BMP2K: variants seen among roughly 807,000 people sequenced by gnomAD.
BMP2K encodes the protein BMP2 inducible kinase, also known as BMP-2-inducible protein kinase.
BMP2K carries 74 observed loss-of-function variants against 116.0 expected under a neutral mutation model. The ratio of observed to expected loss-of-function variants is 0.64; its 90% CI spans 0.53 to 0.77. BMP2K has a LOEUF of 0.77. Among genes scored for constraint, BMP2K ranks in the 30% least tolerant of loss-of-function variants. BMP2K has a pLI of 0.00. For missense variants in BMP2K, 1,365 were observed against 1,403.6 expected (o/e 0.97, Z 0.44); for synonymous variants, 486 against 502.5 (o/e 0.97, Z 0.44).
intron 7 of BMP2K, among the ~76,000 whole-genome samples, chr4:78,851,274 A>C (rs1403865333): frequency 2.6e-5 from 4 of 152,054 alleles, no homozygotes; most frequent in African/African-American, 9.6e-5. Flanking sequence ...CCCCTGGGTA[A>C]GATTTAGTAG....
At chr4:78,808,313 T>C (rs1202982767) in intron 1 of BMP2K, among the ~76,000 whole-genome samples, 3 of 150,570 alleles carry the variant, frequency 2.0e-5, no homozygotes, top group Admixed American at 1.3e-4. Context: ...TTGCCTAGAC[T>C]GGAGTGCAGT....
At chr4:78,819,951 A>G (rs896725501) in intron 1 of BMP2K, among the ~76,000 whole-genome samples, 1 of 152,172 alleles carries the variant, frequency 6.6e-6, no homozygotes, top group Non-Finnish European at 1.5e-5. Context: ...TCAGTATATA[A>G]TATCTAGGTC....
intron 15 of BMP2K, among the ~76,000 whole-genome samples, chr4:78,888,644 T>C (rs1445947929): frequency 6.6e-6 from 1 of 152,230 alleles, no homozygotes; most frequent in Admixed American, 6.5e-5. Context: ...TGGTCTTTTC[T>C]CTGGACACCC....
chr4:78,890,176 A>G (rs1733354613), intron 15 of BMP2K, among the ~76,000 whole-genome samples: 1 of 152,102 alleles, frequency 6.6e-6, no homozygotes, highest in South Asian at 2.1e-4. Flanking sequence ...TGAAATGGAA[A>G]AAAAAAAATC....
intron 10 of BMP2K, 78 bp downstream of exon 10, chr4:78,865,798 G>T (rs1288259869): frequency 1.5e-5 from 22 of 1,429,896 alleles, no homozygotes; most frequent in Non-Finnish European, 4.8e-6. Context: ...CCTGACCTCA[G>T]GTGATCCTTA....
Position 78,910,902 on chromosome 4 carries a change from G to C in BMP2K, c.2355G>C (p.Arg785Ser). The change falls in exon 16 of 16, where the codon AGG (arginine) becomes AGC (serine). Residue 785 changes from arginine (R) to serine (S), a missense_variant. Arg to Ser is a moderately radical substitution (Grantham distance 110). Transcript: ENST00000502613. ...DDTEPENLGHRPLLMDSEDEE... is the reference protein window; with the variant it reads ...DDTEPENLGHSPLLMDSEDEE... ...CTGAACCAGAAAATCTGGGTCATAGGCCTCTCCTCATGGATTCTGAAGATG... is the reference window on the plus strand; with the variant it reads ...CTGAACCAGAAAATCTGGGTCATAGCCCTCTCCTCATGGATTCTGAAGATG... 6.2e-7 allele frequency: 1 copy of C among 1,613,950 alleles called. No individual in the cohort carries two copies. Among genetic ancestry groups the C allele is most frequent in the Non-Finnish European group, 8.5e-7 (1 of 1,179,874 alleles).
chr4:78,897,303 A>G (rs1309267938), intron 15 of BMP2K, among the ~76,000 whole-genome samples: 1 of 152,132 alleles, frequency 6.6e-6, no homozygotes, highest in Non-Finnish European at 1.5e-5. Context: ...TGTAGAAACA[A>G]AATTTAAAGT....
chr4:78,867,164 T>C lies in BMP2K; in HGVS notation c.1231+1444T>C, dbSNP rs183202971. Reference sequence around the variant, plus strand: ...ACCAGCCTGGGTGACAGAATGAGACTCTGTCTCAAAAAAAAAAAAGAAAAA... The same window carrying C: ...ACCAGCCTGGGTGACAGAATGAGACCCTGTCTCAAAAAAAAAAAAGAAAAA... On this transcript the variant is annotated intron_variant, in intron 10 of 15. Coordinates refer to ENST00000502613, the MANE Select transcript of BMP2K (RefSeq NM_198892.2). Among the ~76,000 whole-genome samples, 571 of 149,972 alleles carry C rather than the reference T, an allele frequency of 3.8e-3. 3 individuals carry two copies. The highest frequency in any genetic ancestry group is 5.4e-3 in the Non-Finnish European group (364 of 67,608).
chr4:78,907,778 G>A (rs905293367), intron 15 of BMP2K, among the ~76,000 whole-genome samples: 5 of 152,150 alleles, frequency 3.3e-5, no homozygotes, highest in Admixed American at 3.3e-4. Context: ...CTTGGTTCTT[G>A]TTAGGGAAAT....
At chr4:78,856,518 T>C (rs904066370) in intron 7 of BMP2K, among the ~76,000 whole-genome samples, 5 of 152,160 alleles carry the variant, frequency 3.3e-5, no homozygotes, top group Admixed American at 6.6e-5. Flanking sequence ...TGATTTTTTT[T>C]CCTTTTTTTT....
rs1216308748 is a variant in BMP2K, at chr4:78,914,171, G to A, written c.*2138G>A. On this transcript the variant is annotated 3_prime_UTR_variant, in exon 16 of 16. Coordinates refer to ENST00000502613, the MANE Select transcript of BMP2K (RefSeq NM_198892.2). ...TCATGAGTTTCATCATTTAGAAAAG[G>A]GGTAGAGGATGAACTAATGTCTCCT... The A allele has an allele frequency of 6.6e-6, 1 of 151,896 alleles. No homozygotes were observed. The highest frequency in any genetic ancestry group is 1.5e-5 in the Non-Finnish European group (1 of 67,908). The allele number at this position is 151,896 out of a possible 1,614,324, so 9.4% of individuals were successfully genotyped here. A position where few individuals can be genotyped will look rare whatever the true frequency, so the allele number is the denominator to read the frequency against.
At chr4:78,894,112 T>G (rs1039813456) in intron 15 of BMP2K, among the ~76,000 whole-genome samples, 3 of 152,248 alleles carry the variant, frequency 2.0e-5, no homozygotes, top group African/African-American at 7.2e-5. Flanking sequence ...CAGGCTTTGT[T>G]ATTTCATTTA....
chr4:78,827,330 C>A (rs1729923218), intron 2 of BMP2K, among the ~76,000 whole-genome samples: 2 of 152,028 alleles, frequency 1.3e-5, no homozygotes, highest in South Asian at 4.1e-4. Flanking sequence ...CCTCTCAAGA[C>A]CTATTCGTAG....
At chr4:78,782,939 C>T (rs1192705147) in intron 1 of BMP2K, among the ~76,000 whole-genome samples, 5 of 152,036 alleles carry the variant, frequency 3.3e-5, no homozygotes, top group African/African-American at 1.2e-4. Flanking sequence ...TCTTCTGAAA[C>T]AAGGAGTTAA....
At chr4:78,845,736 A>G (rs1161149543) in intron 5 of BMP2K, among the ~76,000 whole-genome samples, 1 of 151,678 alleles carries the variant, frequency 6.6e-6, no homozygotes, top group East Asian at 1.9e-4. Flanking sequence ...CTTTCTAAAT[A>G]GTTAACCTTT....
intron 14 of BMP2K, among the ~76,000 whole-genome samples, chr4:78,883,189 C>A (rs913176410): frequency 1.3e-5 from 2 of 152,036 alleles, no homozygotes; most frequent in African/African-American, 4.8e-5. Context: ...GTAAGTTTCT[C>A]ATATTGGATA....
At chr4:78,855,299 C>G in intron 7 of BMP2K, among the ~76,000 whole-genome samples, 1 of 152,092 alleles carries the variant, frequency 6.6e-6, no homozygotes, top group East Asian at 1.9e-4. Context: ...GGATGTTTCT[C>G]ATTTCAGGGA....
intron 15 of BMP2K, among the ~76,000 whole-genome samples, chr4:78,909,942 T>C (rs78382932): frequency 6.6e-6 from 1 of 152,230 alleles, no homozygotes; most frequent in African/African-American, 2.4e-5. Context: ...CCAGATGGTT[T>C]AGATTTGTTT....
intron 15 of BMP2K, among the ~76,000 whole-genome samples, chr4:78,902,864 T>C (rs1412904280): frequency 6.6e-6 from 1 of 152,140 alleles, no homozygotes; most frequent in Non-Finnish European, 1.5e-5. Context: ...TTGGTATAGT[T>C]TATAAAGGTT....
Sources: allele counts gnomAD v4.1 joint callset (sites outside exome capture counted in the v4.1 genomes callset), GRCh38; gene constraint gnomAD v4.1.1; transcripts MANE v1.5; gene names NCBI Gene and HGNC (gene_info 2026-07-23, HGNC 2026-07-21).